Variants in DNAJC3 observed in about 807,000 individuals in gnomAD.
The protein encoded by DNAJC3 is DnaJ heat shock protein family (Hsp40) member C3.
A neutral mutation model predicts 68.6 loss-of-function variants in DNAJC3; 38 were observed. That is an observed-to-expected ratio of 0.55 (90% confidence interval 0.43 to 0.73). DNAJC3 has a LOEUF of 0.73. Among genes scored for constraint, DNAJC3 ranks in the 30% least tolerant of loss-of-function variants. The pLI is 0.00. For missense variants in DNAJC3, 526 were observed against 591.9 expected, an observed-to-expected ratio of 0.89 and a Z score of 1.16; for synonymous variants, 203 against 204.0, an observed-to-expected ratio of 1.00 and a Z score of 0.04.
chr13:95,739,005 G>T (rs1406980190), intron 4 of DNAJC3, among the ~76,000 whole-genome samples: 7 of 152,146 alleles, frequency 4.6e-5, no homozygotes, highest in Middle Eastern at 3.4e-3. Context: ...AGGAGCTCTT[G>T]TAGGGCAGGC....
chr13:95,710,348 T>C (rs1219631733), intron 2 of DNAJC3, among the ~76,000 whole-genome samples: 4 of 151,842 alleles, frequency 2.6e-5, no homozygotes, highest in African/African-American at 9.7e-5. Flanking sequence ...CCTGAATAGC[T>C]GGGATTATAG....
intron 2 of DNAJC3, among the ~76,000 whole-genome samples, chr13:95,715,840 A>G (rs1418004561): frequency 6.6e-6 from 1 of 151,772 alleles, no homozygotes. Flanking sequence ...TGTAGAACAC[A>G]TTGTTCATAA....
At chr13:95,752,854 T>C (rs565780830) in intron 4 of DNAJC3, among the ~76,000 whole-genome samples, 6 of 152,310 alleles carry the variant, frequency 3.9e-5, no homozygotes, top group African/African-American at 1.4e-4. Flanking sequence ...GTTATGGGTA[T>C]TTTTAGCGTG....
rs36052714 is a variant in DNAJC3 at position 95,785,452 on chromosome 13, C to CTTTTTTTTTTT, written c.1076-473_1076-463dup. On this transcript the variant is annotated intron_variant, in intron 9 of 11. Transcript: ENST00000602402. ...GTTTTCATTATTATGCCTTTTAAAC[C>CTTTTTTTTTTT]TTTTTTTTTTTTTTTTTTTTTTTTG... 6.4e-5 allele frequency among the ~76,000 whole-genome samples: 5 copies of CTTTTTTTTTTT among 77,924 alleles called. 1 individual carries two copies. The highest frequency in any genetic ancestry group is 2.7e-4 in the African/African-American group (5 of 18,478). The allele number at this position is 77,924 out of a possible 152,430, so 51.1% of individuals were successfully genotyped here.
intron 7 of DNAJC3, among the ~76,000 whole-genome samples, chr13:95,761,361 T>C (rs1279773392): frequency 6.6e-6 from 1 of 152,066 alleles, no homozygotes; most frequent in Non-Finnish European, 1.5e-5. Flanking sequence ...TGAGTGTTGT[T>C]TGTAGGGGGT....
chr13:95,775,813 A>G (rs1485516907), intron 9 of DNAJC3, among the ~76,000 whole-genome samples: 1 of 152,150 alleles, frequency 6.6e-6, no homozygotes, highest in Non-Finnish European at 1.5e-5. Flanking sequence ...ACAGATGGCC[A>G]CACTTTTAGT....
At chr13:95,731,314 A>AG (rs1269444776) in intron 4 of DNAJC3, among the ~76,000 whole-genome samples, 1 of 152,166 alleles carries the variant, frequency 6.6e-6, no homozygotes, top group African/African-American at 2.4e-5. Context: ...TGGTCTGCCT[A>AG]GGAATCCCAG....
At chr13:95,677,447 GC>G in intron 1 of DNAJC3, 110 bp downstream of exon 1, 1 of 1,137,820 alleles carries the variant, frequency 8.8e-7, no homozygotes, top group Non-Finnish European at 1.2e-6. Context: ...GGTGGGGCGA[GC>G]GCTGGGGGAG....
chr13:95,698,880 C>T (rs1337695965), intron 1 of DNAJC3, among the ~76,000 whole-genome samples: 2 of 152,210 alleles, frequency 1.3e-5, no homozygotes, highest in African/African-American at 4.8e-5. Context: ...GCTGGACCCA[C>T]GGCATGAAAC....
chr13:95,785,452 C>CTTTTTTTTT lies in DNAJC3; in HGVS notation c.1076-471_1076-463dup, dbSNP rs36052714. On this transcript the variant is annotated intron_variant, in intron 9 of 11. Coordinates refer to ENST00000602402, the MANE Select transcript of DNAJC3 (RefSeq NM_006260.5). ...GTTTTCATTATTATGCCTTTTAAAC[C>CTTTTTTTTT]TTTTTTTTTTTTTTTTTTTTTTTTG... Among the ~76,000 whole-genome samples the CTTTTTTTTT allele has an allele frequency of 5.1e-4, 40 of 77,950 alleles. 2 individuals are homozygous for CTTTTTTTTT. Among genetic ancestry groups the CTTTTTTTTT allele is most frequent in the African/African-American group, 1.8e-3 (33 of 18,504 alleles). 51.1% of individuals were successfully genotyped at this position (77,950 alleles called of 152,430 possible).
At chr13:95,722,384 T>C (rs1881349925) in intron 2 of DNAJC3, among the ~76,000 whole-genome samples, 1 of 152,160 alleles carries the variant, frequency 6.6e-6, no homozygotes, top group South Asian at 2.1e-4. Context: ...TATACATTTC[T>C]AAAACCCTGG....
At chr13:95,767,712 CAG>C (rs1392901761) in intron 9 of DNAJC3, among the ~76,000 whole-genome samples, 1 of 136,530 alleles carries the variant, frequency 7.3e-6, no homozygotes, top group Non-Finnish European at 1.5e-5. Flanking sequence ...TTTTTTGAGA[CAG>C]AGTCTTGCTC....
At position 95,790,861 on chromosome 13, in the gene DNAJC3, A is replaced by AT; in HGVS notation, c.1358-9dup. 1 of 1,602,830 alleles carries AT rather than the reference A, an allele frequency of 6.2e-7. No individual in the cohort carries two copies. Among genetic ancestry groups the AT allele is most frequent in the Middle Eastern group, 1.7e-4 (1 of 6,010 alleles). On this transcript the variant is annotated splice_polypyrimidine_tract_variant and intron_variant, in intron 11 of 11. Coordinates refer to ENST00000602402, the MANE Select transcript of DNAJC3 (RefSeq NM_006260.5). ...ATATTATCTGGTTCTTAATTTTCTG[A>AT]TTTCTTTCTAGAAATGAGAAAGAAG...
chr13:95,680,523 AAATT>A (rs1461896554), intron 1 of DNAJC3, among the ~76,000 whole-genome samples: 7 of 152,214 alleles, frequency 4.6e-5, no homozygotes, highest in African/African-American at 1.7e-4. Context: ...TAATTTAAAT[AAATT>A]AAGTATCATA....
chr13:95,757,447 T>C (rs959866548), intron 4 of DNAJC3, among the ~76,000 whole-genome samples, 197 bp from the exon 5 acceptor site: 41 of 152,178 alleles, frequency 2.7e-4, no homozygotes, highest in African/African-American at 9.4e-4. Flanking sequence ...CTGTTGTTCA[T>C]GCTCATGGAC....
In DNAJC3 at chr13:95,683,565, C is replaced by G. The variant is rs748776088; in HGVS notation, c.82+6228C>G. Reference sequence around the variant, plus strand: ...TGCCATGATTGTAAATTTCCTGAGGCCTCCCCAGCCATGCTTCATGTACAA... The same window carrying G: ...TGCCATGATTGTAAATTTCCTGAGGGCTCCCCAGCCATGCTTCATGTACAA... On this transcript the variant is annotated intron_variant, in intron 1 of 11. Transcript: ENST00000602402. Among the ~76,000 whole-genome samples the G allele has an allele frequency of 1.8e-4, 28 of 152,286 alleles. No homozygotes were observed. The South Asian group carries it at 2.5e-3, about 14-fold the overall frequency.
intron 4 of DNAJC3, chr13:95,745,554 C>T (rs1236167726): frequency 6.6e-6 from 1 of 152,224 alleles, no homozygotes; most frequent in Non-Finnish European, 1.5e-5. Context: ...ACAAGGATAG[C>T]TAGCTGGATG....
At chr13:95,768,989 ATATCTATATCTATATCTATATC>A (rs1371629220) in intron 9 of DNAJC3, among the ~76,000 whole-genome samples, 2 of 64,782 alleles carry the variant, frequency 3.1e-5, no homozygotes, top group African/African-American at 3.9e-4. Context: ...AAAATTATCT[ATATCTATATCTATATCTATATC>A]TATATCTATA....
chr13:95,682,426 G>C (rs1451414407), intron 1 of DNAJC3, among the ~76,000 whole-genome samples: 1 of 151,764 alleles, frequency 6.6e-6, no homozygotes, highest in Non-Finnish European at 1.5e-5. Context: ...CTTTAGTCTG[G>C]TTCTTCCAGT....
Sources: allele counts gnomAD v4.1 joint callset (sites outside exome capture counted in the v4.1 genomes callset), GRCh38; gene constraint gnomAD v4.1.1; transcripts MANE v1.5; gene names NCBI Gene and HGNC (gene_info 2026-07-23, HGNC 2026-07-21).